ODAD2: variants seen among roughly 807,000 people sequenced by gnomAD.
ODAD2 encodes the protein outer dynein arm-docking complex subunit 2.
Under a neutral mutation model 106.8 loss-of-function variants are expected in ODAD2, and 89 were observed. The ratio of observed to expected loss-of-function variants is 0.83; its 90% confidence interval spans 0.70 to 0.99. The LOEUF (loss-of-function observed/expected upper bound fraction) is 0.99, where lower values mean the gene tolerates loss of function less well. Among genes scored for constraint, ODAD2 ranks in the 50% least tolerant of loss-of-function variants. The probability of loss-of-function intolerance (pLI) is 0.00; values close to 1 mark genes in which losing one functional copy is unlikely to be tolerated. For synonymous variants in ODAD2, 404 were observed against 436.2 expected, an observed-to-expected ratio of 0.93 and a Z score of 0.92; for missense variants, 1,168 against 1,238.5, an observed-to-expected ratio of 0.94 and a Z score of 0.85.
intron 13 of ODAD2, among the ~76,000 whole-genome samples, chr10:27,940,296 G>T (rs1846307584): frequency 6.6e-6 from 1 of 151,148 alleles, no homozygotes; most frequent in Non-Finnish European, 1.5e-5. Context: ...ATATATGTGT[G>T]ATATATATAT....
chr10:27,977,182 C>T (rs73606024), intron 7 of ODAD2, among the ~76,000 whole-genome samples: 1 of 151,920 alleles, frequency 6.6e-6, no homozygotes, highest in South Asian at 2.1e-4. Context: ...TTTGGAAAAG[C>T]GTTATAAAAC....
Position 27,987,436 on chromosome 10 carries a change from A to G in ODAD2, c.332T>C (p.Leu111Ser). ...CAACTTCCCAGTTTTGGCAATAAGTAACAAGCGTGACAGCTGCCCAAAGCT... is the reference window on the plus strand; with the variant it reads ...CAACTTCCCAGTTTTGGCAATAAGTGACAAGCGTGACAGCTGCCCAAAGCT... ...IRSFGQLSRLLLIAKTGKLKE... is the reference protein window; with the variant it reads ...IRSFGQLSRLSLIAKTGKLKE... Residue 111 changes from leucine (L) to serine (S), a missense_variant, in exon 3 of 20, where the codon TTA becomes TCA. Leu to Ser is a moderately radical substitution (Grantham distance 145, BLOSUM62 -2). Transcript: ENST00000305242. The G allele has an allele frequency of 6.2e-7, 1 of 1,613,818 alleles. No homozygotes were observed. The highest frequency in any genetic ancestry group is 1.1e-5 in the South Asian group (1 of 90,996).
intron 10 of ODAD2, among the ~76,000 whole-genome samples, chr10:27,953,367 T>G (rs1209205744): frequency 1.3e-5 from 2 of 152,194 alleles, no homozygotes; most frequent in Non-Finnish European, 2.9e-5. Context: ...ATCTTGGCAC[T>G]TGTATAGAAC....
At chr10:27,892,653 C>T (rs11006759) in intron 17 of ODAD2, among the ~76,000 whole-genome samples, 100,801 of 152,134 alleles carry the variant, frequency 0.66, 33,738 homozygotes, top group Middle Eastern at 0.74. Flanking sequence ...AAGGTCAATA[C>T]TTCTTATTAC....
At chr10:27,849,550 T>C (rs1839083307) in intron 19 of ODAD2, among the ~76,000 whole-genome samples, 1 of 151,816 alleles carries the variant, frequency 6.6e-6, no homozygotes, top group Non-Finnish European at 1.5e-5. Context: ...TAAAATATAA[T>C]AATAATAATA....
intron 17 of ODAD2, among the ~76,000 whole-genome samples, chr10:27,870,296 G>A (rs1028776704): frequency 5.9e-5 from 9 of 152,090 alleles, no homozygotes; most frequent in Non-Finnish European, 1.0e-4. Flanking sequence ...CAGCCTCCTG[G>A]AAACTGTTTC....
chr10:27,943,004 G>C (rs4628591), intron 12 of ODAD2, among the ~76,000 whole-genome samples: 86,069 of 151,810 alleles, frequency 0.57, 24,615 homozygotes, highest in Middle Eastern at 0.66. Flanking sequence ...TTTATTAACC[G>C]TTCATACGGG....
intron 10 of ODAD2, among the ~76,000 whole-genome samples, chr10:27,948,094 T>C (rs998339739): frequency 2.6e-5 from 4 of 152,156 alleles, no homozygotes; most frequent in Non-Finnish European, 4.4e-5. Context: ...GGTAAGAGTT[T>C]ATAGCTTTTT....
intron 2 of ODAD2, among the ~76,000 whole-genome samples, chr10:27,990,727 C>T (rs1002887624): frequency 4.6e-5 from 7 of 152,058 alleles, no homozygotes; most frequent in Non-Finnish European, 7.3e-5. Flanking sequence ...TTCATGATAT[C>T]GATCACAAAG....
At chr10:27,992,059 G>A (rs904917916) in intron 2 of ODAD2, among the ~76,000 whole-genome samples, 2 of 152,162 alleles carry the variant, frequency 1.3e-5, no homozygotes, top group African/African-American at 4.8e-5. Flanking sequence ...CTTTGGTTTG[G>A]GGAGTAGACC....
At chr10:27,865,531 T>A (rs1589857545) in intron 17 of ODAD2, among the ~76,000 whole-genome samples, 1 of 152,160 alleles carries the variant, frequency 6.6e-6, no homozygotes, top group South Asian at 2.1e-4. Flanking sequence ...TCTTCCATAA[T>A]ACCTGGTTCT....
chr10:27,983,879 G>A lies in ODAD2; in HGVS notation c.783C>T (p.Cys261=), dbSNP rs762843920. The A allele has an allele frequency of 5.6e-6, 9 of 1,612,922 alleles. No homozygotes were observed. Among genetic ancestry groups the A allele is most frequent in the Non-Finnish European group, 7.6e-6 (9 of 1,179,708 alleles). ...ATACTCCTCCTGCACTGCAAGTAATGCACAGAGTCTCACCATCGTGAGGTT... is the reference window on the plus strand; with the variant it reads ...ATACTCCTCCTGCACTGCAAGTAATACACAGAGTCTCACCATCGTGAGGTT... ...LVKPHDGETL[C]ITCSAGGVFL... The change falls in exon 6 of 20, where the codon TGC becomes TGT. Residue 261 remains cysteine (C), a synonymous_variant. Transcript: ENST00000305242.
chr10:27,982,597 G>A (rs1849625787), intron 6 of ODAD2, among the ~76,000 whole-genome samples: 1 of 152,084 alleles, frequency 6.6e-6, no homozygotes, highest in Non-Finnish European at 1.5e-5. Flanking sequence ...GCACCAAAAG[G>A]CATGTCAGAA....
At chr10:27,994,582 G>GTA (rs1292162324) in intron 2 of ODAD2, among the ~76,000 whole-genome samples, 3 of 152,022 alleles carry the variant, frequency 2.0e-5, no homozygotes, top group East Asian at 1.9e-4. Flanking sequence ...ATATATATGT[G>GTA]TATATATATC....
intron 10 of ODAD2, among the ~76,000 whole-genome samples, chr10:27,952,074 C>CAAAAAAAAAAAAAAAAAAAAAAAAA (rs71388944): frequency 6.4e-4 from 28 of 44,002 alleles, no homozygotes; most frequent in African/African-American, 1.0e-3. Flanking sequence ...GATGCCAACT[C>CAAAAAAAAAAAAAAAAAAAAAAAAA]AAAAAAAAAA....
In ODAD2 at chr10:27,872,385, A is replaced by T. The variant is rs551250957; in HGVS notation, c.2611-9763T>A. ...CTGATTGCCCTGGCCAGAACTTCCA[A>T]CACTATGTTGAATAGCAGGGGTGAG... On this transcript the variant is annotated intron_variant, in intron 17 of 19. Transcript: ENST00000305242. 6.3e-4 allele frequency among the ~76,000 whole-genome samples: 96 copies of T among 151,890 alleles called. 1 individual carries two copies. The highest frequency in any genetic ancestry group is 9.7e-4 in the Non-Finnish European group (66 of 68,020).
chr10:27,875,589 A>G (rs1350448847), intron 17 of ODAD2, among the ~76,000 whole-genome samples: 1 of 152,152 alleles, frequency 6.6e-6, no homozygotes, highest in Non-Finnish European at 1.5e-5. Context: ...CCGAATAGGA[A>G]CAGCTCCAGT....
At chr10:27,904,278 G>A in intron 17 of ODAD2, 2 of 403,198 alleles carry the variant, frequency 5.0e-6, no homozygotes, top group Non-Finnish European at 1.0e-5. Flanking sequence ...CCACAAAGTG[G>A]CACAGGACAA....
At chr10:27,874,455 G>A (rs942557387) in intron 17 of ODAD2, among the ~76,000 whole-genome samples, 1 of 152,156 alleles carries the variant, frequency 6.6e-6, no homozygotes, top group Non-Finnish European at 1.5e-5. Flanking sequence ...AGCATCGATG[G>A]TCTTTACATT....
Sources: gnomAD v4.1 joint callset for allele counts (sites outside exome capture counted in the v4.1 genomes callset) on GRCh38, gnomAD v4.1.1 for gene constraint, MANE v1.5 for transcripts, NCBI Gene and HGNC (gene_info 2026-07-23, HGNC 2026-07-21) for gene names.